Variants in HDLBP observed in about 807,000 individuals in gnomAD.
HDLBP encodes high density lipoprotein binding protein, also known as vigilin.
HDLBP carries 30 observed loss-of-function variants against 137.3 expected under a neutral mutation model. That is an observed-to-expected ratio of 0.22 (90% CI 0.16 to 0.30). The LOEUF is 0.30. Among genes scored for constraint, HDLBP ranks in the 10% least tolerant of loss-of-function variants. The pLI is 1.00. For missense variants in HDLBP, 1,119 were observed against 1,667.3 expected (o/e 0.67, Z 5.73); for synonymous variants, 606 against 596.0 (o/e 1.02, Z -0.24).
intron 4 of HDLBP, among the ~76,000 whole-genome samples, chr2:241,263,985 T>C (rs1425684837): frequency 6.6e-6 from 1 of 151,970 alleles, no homozygotes; most frequent in African/African-American, 2.4e-5. Flanking sequence ...CAAAGCATTC[T>C]CAATCTTGCA....
At chr2:241,251,645 G>T (rs143594174) in intron 11 of HDLBP, among the ~76,000 whole-genome samples, 2 of 152,214 alleles carry the variant, frequency 1.3e-5, no homozygotes, top group East Asian at 3.8e-4. Flanking sequence ...ACGCGAGTGT[G>T]TGAGTATAGC....
At chr2:241,270,865 G>C (rs1019322134) in intron 1 of HDLBP, 1 of 643,002 alleles carries the variant, frequency 1.6e-6, no homozygotes, top group Non-Finnish European at 1.9e-6. Context: ...AGATACCCAA[G>C]AACAGAGGCT....
intron 1 of HDLBP, among the ~76,000 whole-genome samples, chr2:241,311,106 G>A (rs2075744832): frequency 2.0e-5 from 3 of 151,422 alleles, no homozygotes; most frequent in Non-Finnish European, 4.4e-5. Flanking sequence ...AGAGCAAGAC[G>A]CTGTGTCTCA....
At position 241,303,639 on chromosome 2, in the gene HDLBP, G is replaced by C. The variant is rs116016724; in HGVS notation, c.-103+11931C>G. Among the ~76,000 whole-genome samples the C allele has an allele frequency of 8.1e-3, 1,227 of 152,208 alleles. 9 individuals carry two copies. Among genetic ancestry groups the C allele is most frequent in the Non-Finnish European group, 0.014 (948 of 68,010 alleles). ...AAGCTGCTCCACAAAGCCATTCGTC[G>C]AGACCACACATTCAACAGTCATCCA... On this transcript the variant is annotated intron_variant, in intron 1 of 27. Coordinates refer to ENST00000310931, the MANE Select transcript of HDLBP (RefSeq NM_005336.6).
At chr2:241,271,068 C>T (rs890031064) in intron 1 of HDLBP, 11 of 985,298 alleles carry the variant, frequency 1.1e-5, no homozygotes, top group Non-Finnish European at 7.2e-6. Flanking sequence ...AAATCTACAA[C>T]TTCTTTCCCC....
rs77053878 is a variant in HDLBP, at chr2:241,313,184, T to C, written c.-103+2386A>G. Among the ~76,000 whole-genome samples, 781 of 152,312 alleles carry C rather than the reference T, an allele frequency of 5.1e-3. 4 individuals are homozygous for C. The highest frequency in any genetic ancestry group is 0.018 in the African/African-American group (747 of 41,548). On this transcript the variant is annotated intron_variant, in intron 1 of 27. Transcript: ENST00000310931. ...CCACACCTTACACATATTTCTATCATTGCACTTATCACACCATAATGTAAT... is the reference window on the plus strand; with the variant it reads ...CCACACCTTACACATATTTCTATCACTGCACTTATCACACCATAATGTAAT...
intron 20 of HDLBP, 40 bp from the exon 21 acceptor site, chr2:241,236,809 G>C (rs1165513986): frequency 3.1e-6 from 5 of 1,603,474 alleles, no homozygotes; most frequent in Admixed American, 3.4e-5. Context: ...ACAGCTGCTG[G>C]AAGAGACCCC....
chr2:241,269,903 T>C (rs894801546), intron 1 of HDLBP, among the ~76,000 whole-genome samples: 2 of 152,060 alleles, frequency 1.3e-5, no homozygotes, highest in Non-Finnish European at 2.9e-5. Context: ...CACGCTTGCT[T>C]GCTGACTCTC....
Position 241,260,570 on chromosome 2 carries a change from G to T in HDLBP, c.450+2141C>A, listed in dbSNP as rs1006871083. On this transcript the variant is annotated intron_variant, in intron 5 of 27. Transcript: ENST00000310931. ...AGAATTATCAACTAATGTATGAGCA[G>T]GGAGAGAATTAGAAAAGCATAATTT... Among the ~76,000 whole-genome samples, 4 of 152,318 alleles carry T rather than the reference G, an allele frequency of 2.6e-5. No individual in the cohort carries two copies. In the South Asian group the frequency reaches 6.2e-4, roughly 24 times the overall value.
chr2:241,253,485 A>C lies in HDLBP; in HGVS notation c.1201T>G (p.Phe401Val). ...GTGATCTTGTCTTCGCCCTCTGTGA[A>C]CTCGATGTGAACCTACCACACCAAA... is the stretch of plus-strand genomic sequence containing the variant. Reference protein sequence around the residue: ...TQQMPKVHIEFTEGEDKITLE... With the variant: ...TQQMPKVHIEVTEGEDKITLE... The change falls in exon 10 of 28, where the codon TTC (phenylalanine) becomes GTC (valine). Residue 401 changes from phenylalanine to valine, a missense_variant. Phe to Val is a conservative substitution (Grantham distance 50, BLOSUM62 -1). Around this residue, in one of 4 missense-constraint regions of HDLBP, gnomAD observed 425 missense variants for 693.9 expected, o/e 0.61. Transcript: ENST00000310931. 5 of 1,612,316 alleles carry C rather than the reference A, an allele frequency of 3.1e-6. No homozygotes were observed. Among genetic ancestry groups the C allele is most frequent in the Non-Finnish European group, 4.2e-6 (5 of 1,178,474 alleles).
At chr2:241,305,001 C>G (rs894079270) in intron 1 of HDLBP, among the ~76,000 whole-genome samples, 1 of 152,260 alleles carries the variant, frequency 6.6e-6, no homozygotes, top group East Asian at 1.9e-4. Context: ...TTAACCCGAG[C>G]TGGCACACAA....
chr2:241,256,900 G>A, intron 5 of HDLBP, 94 bp from the exon 6 acceptor site: 1 of 1,017,204 alleles, frequency 9.8e-7, no homozygotes, highest in Admixed American at 2.0e-5. Context: ...CACCATCTTT[G>A]CTTATTCCTG....
At position 241,272,080 on chromosome 2, in the gene HDLBP, T is replaced by A. The variant is rs2074090199; in HGVS notation, c.-102-3539A>T. The A allele has an allele frequency of 7.3e-6, 4 of 549,312 alleles. No individual in the cohort carries two copies. Among genetic ancestry groups the A allele is most frequent in the Non-Finnish European group, 9.3e-6 (4 of 431,330 alleles). The allele number at this position is 549,312 out of a possible 1,614,324, so 34.0% of individuals were successfully genotyped here. A position where few individuals can be genotyped will look rare whatever the true frequency, so the allele number is the denominator to read the frequency against. On this transcript the variant is annotated intron_variant, in intron 1 of 27. Transcript: ENST00000310931. This position sits in a 1 kb window ranked among gnomAD's most constrained non-coding sequence, Gnocchi z 5.6. ...TTCATCCAAATTCGGTACTTTTCCGTAATGTATTTTTCATCCACGACCCTG... is the reference window on the plus strand; with the variant it reads ...TTCATCCAAATTCGGTACTTTTCCGAAATGTATTTTTCATCCACGACCCTG...
At chr2:241,279,739 A>T (rs779119287) in intron 1 of HDLBP, among the ~76,000 whole-genome samples, 5 of 152,220 alleles carry the variant, frequency 3.3e-5, no homozygotes, top group Non-Finnish European at 5.9e-5. Context: ...CAAATACTCC[A>T]CGAGCGAACG....
At chr2:241,305,450 C>A (rs939595970) in intron 1 of HDLBP, among the ~76,000 whole-genome samples, 1 of 152,122 alleles carries the variant, frequency 6.6e-6, no homozygotes, top group Non-Finnish European at 1.5e-5. Flanking sequence ...ACCAAAAAAA[C>A]GGGGCCTGTG....
chr2:241,254,195 T>A (rs372497820), intron 9 of HDLBP, among the ~76,000 whole-genome samples: 35 of 152,060 alleles, frequency 2.3e-4, no homozygotes, highest in African/African-American at 8.2e-4. Context: ...ACCCATGAGT[T>A]CAAGGCTGCA....
chr2:241,241,160 C>G (rs1271920814), intron 17 of HDLBP, among the ~76,000 whole-genome samples: 1 of 152,032 alleles, frequency 6.6e-6, no homozygotes, highest in Admixed American at 6.6e-5. Context: ...AACACAAAGA[C>G]AAAAACATCA....
chr2:241,280,913 T>G (rs567335752), intron 1 of HDLBP, among the ~76,000 whole-genome samples: 1 of 152,348 alleles, frequency 6.6e-6, no homozygotes, highest in South Asian at 2.1e-4. Context: ...TACTTTCCAC[T>G]AAATTAATAC....
rs1290604794 is a variant in HDLBP, at chr2:241,240,846, C to T, written c.2170-724G>A. On this transcript the variant is annotated intron_variant, in intron 17 of 27. Coordinates refer to ENST00000310931, the MANE Select transcript of HDLBP (RefSeq NM_005336.6). This position sits in a 1 kb window ranked among gnomAD's most constrained non-coding sequence, Gnocchi z 5.5. The stretch of plus-strand genomic sequence containing the variant: ...CGCAGGGGCCCCGAGAAGGGCGCTG[C>T]TCCACGGGACTCAGGTCCACACGGG... 3.3e-5 allele frequency among the ~76,000 whole-genome samples: 5 copies of T among 152,292 alleles called. No individual in the cohort carries two copies. Among genetic ancestry groups the T allele is most frequent in the Middle Eastern group, 3.4e-3 (1 of 294 alleles).
Sources: gnomAD v4.1 joint callset for allele counts (sites outside exome capture counted in the v4.1 genomes callset) on GRCh38, gnomAD v4.1.1 for gene constraint, gnomAD v4.1.1 regional missense constraint, Gnocchi (gnomAD v3.1) non-coding constraint, MANE v1.5 for transcripts, NCBI Gene and HGNC (gene_info 2026-07-23, HGNC 2026-07-21) for gene names.